Variants in MGAT4C observed in about 807,000 individuals in gnomAD.
MGAT4C encodes the protein alpha-1,3-mannosyl-glycoprotein 4-beta-N-acetylglucosaminyltransferase C.
A neutral mutation model predicts 40.1 loss-of-function variants in MGAT4C; 19 were observed. The ratio of observed to expected loss-of-function variants is 0.47; its 90% CI spans 0.33 to 0.70. MGAT4C has a LOEUF of 0.70. MGAT4C is among the 30% of genes least tolerant of loss of function. The probability of loss-of-function intolerance (pLI) is 0.02; values close to 1 mark genes in which losing one functional copy is unlikely to be tolerated. For synonymous variants in MGAT4C, 181 were observed against 187.1 expected, an observed-to-expected ratio of 0.97 and a Z score of 0.27; for missense variants, 491 against 563.2, an observed-to-expected ratio of 0.87 and a Z score of 1.30.
At chr12:86,825,175 C>A (rs1002763369) in intron 1 of MGAT4C, among the ~76,000 whole-genome samples, 11 of 150,724 alleles carry the variant, frequency 7.3e-5, no homozygotes, top group Non-Finnish European at 1.6e-4. Context: ...ATATAAACAC[C>A]AAGGTTTGAG....
chr12:86,340,782 G>C (rs1348521574), intron 3 of MGAT4C, among the ~76,000 whole-genome samples: 1 of 152,034 alleles, frequency 6.6e-6, no homozygotes, highest in African/African-American at 2.4e-5. Flanking sequence ...AGAATCCTGG[G>C]TTCCTCATAG....
At chr12:86,419,831 A>G (rs1020782687) in intron 3 of MGAT4C, among the ~76,000 whole-genome samples, 8 of 152,150 alleles carry the variant, frequency 5.3e-5, no homozygotes, top group Non-Finnish European at 8.8e-5. Flanking sequence ...TATTGACCCT[A>G]TGTATTAAGA....
intron 2 of MGAT4C, among the ~76,000 whole-genome samples, chr12:86,546,555 G>A (rs1001905081): frequency 1.3e-5 from 2 of 151,902 alleles, no homozygotes; most frequent in Non-Finnish European, 2.9e-5. Context: ...TAGGCATCAA[G>A]TAAAACTAAA....
chr12:86,584,765 T>C (rs1232092328), intron 2 of MGAT4C, among the ~76,000 whole-genome samples: 1 of 151,344 alleles, frequency 6.6e-6, no homozygotes, highest in African/African-American at 2.4e-5. Context: ...ATTGCAACAC[T>C]GAATATCATC....
At chr12:86,035,320 C>G (rs1278769399) in intron 2 of MGAT4C, among the ~76,000 whole-genome samples, 5 of 150,306 alleles carry the variant, frequency 3.3e-5, no homozygotes, top group African/African-American at 1.2e-4. Flanking sequence ...TTGCATTTCT[C>G]TAATGACCAC....
At chr12:86,570,307 A>ATATT (rs1333967426) in intron 2 of MGAT4C, among the ~76,000 whole-genome samples, 1 of 46,484 alleles carries the variant, frequency 2.2e-5, no homozygotes, top group African/African-American at 5.4e-5. Context: ...CAAATATATA[A>ATATT]TATTTGTCAA....
chr12:86,405,074 G>T (rs539804837), intron 3 of MGAT4C, among the ~76,000 whole-genome samples: 5 of 152,112 alleles, frequency 3.3e-5, no homozygotes, highest in Admixed American at 2.0e-4. Flanking sequence ...AACTATGAAA[G>T]ATTCCCCAGA....
At chr12:86,192,051 C>T (rs571758368) in intron 1 of MGAT4C, among the ~76,000 whole-genome samples, 6 of 127,998 alleles carry the variant, frequency 4.7e-5, no homozygotes, top group African/African-American at 1.5e-4. Context: ...CAAGACAACA[C>T]TTGGACACAG....
At chr12:86,539,379 A>G (rs1335876490) in intron 2 of MGAT4C, among the ~76,000 whole-genome samples, 1 of 152,344 alleles carries the variant, frequency 6.6e-6, no homozygotes, top group East Asian at 1.9e-4. Context: ...GCTACATAGT[A>G]TTCCATGGTG....
At chr12:86,825,851 T>C (rs889813981) in intron 1 of MGAT4C, among the ~76,000 whole-genome samples, 1 of 151,376 alleles carries the variant, frequency 6.6e-6, no homozygotes, top group Admixed American at 6.6e-5. Flanking sequence ...AAAAAATATC[T>C]CCTCTGACTA....
chr12:86,176,279 CA>C (rs1367290139), intron 1 of MGAT4C, among the ~76,000 whole-genome samples: 1 of 152,150 alleles, frequency 6.6e-6, no homozygotes, highest in Non-Finnish European at 1.5e-5. Flanking sequence ...CTTTCTGGAA[CA>C]TCCTTTATTT....
intron 1 of MGAT4C, chr12:86,068,600 T>TATGA (rs11427130): frequency 1.3e-5 from 2 of 148,776 alleles, no homozygotes; most frequent in African/African-American, 2.5e-5. Context: ...CATATTTATA[T>TATGA]TATATATATA....
chr12:86,228,647 A>C (rs1214457176), intron 1 of MGAT4C, among the ~76,000 whole-genome samples: 1 of 151,032 alleles, frequency 6.6e-6, no homozygotes, highest in Non-Finnish European at 1.5e-5. Flanking sequence ...AAGAGAAATA[A>C]GGATTTGCAT....
At position 85,956,519 on chromosome 12, in the gene MGAT4C, C is replaced by T. The variant is rs1165159321; in HGVS notation, c.*22770G>A. On this transcript the variant is annotated 3_prime_UTR_variant, in exon 5 of 5. Transcript: ENST00000611864. ...AACTTACTAAAATATGGTTTTGGGA[C>T]ACCTGTTGGGAACATTTACAGATCA... 1.3e-5 allele frequency: 2 copies of T among 152,262 alleles called. No homozygotes were observed. The highest frequency in any genetic ancestry group is 2.4e-5 in the African/African-American group (1 of 41,548). 9.4% of individuals were successfully genotyped at this position (152,262 alleles called of 1,614,324 possible). A position where few individuals can be genotyped will look rare whatever the true frequency, so the allele number is the denominator to read the frequency against.
intron 2 of MGAT4C, among the ~76,000 whole-genome samples, chr12:86,472,534 T>A (rs1957770595): frequency 6.6e-6 from 1 of 152,128 alleles, no homozygotes; most frequent in South Asian, 2.1e-4. Context: ...AGAATGAAGT[T>A]CTAATTTATT....
At chr12:86,197,653 T>TA (rs1196560639) in intron 1 of MGAT4C, among the ~76,000 whole-genome samples, 11 of 152,322 alleles carry the variant, frequency 7.2e-5, no homozygotes, top group Non-Finnish European at 1.3e-4. Flanking sequence ...TAAGCCACCT[T>TA]ACTCTATGAA....
At chr12:85,984,744 CA>C in intron 3 of MGAT4C, among the ~76,000 whole-genome samples, 1 of 150,906 alleles carries the variant, frequency 6.6e-6, no homozygotes. Context: ...TTTTTTTTCT[CA>C]AAATGTGCAC....
intron 1 of MGAT4C, among the ~76,000 whole-genome samples, chr12:86,745,491 T>A (rs1426970652): frequency 6.6e-6 from 1 of 151,638 alleles, no homozygotes; most frequent in African/African-American, 2.4e-5. Flanking sequence ...CTTTACAATA[T>A]AGCATGCATG....
At chr12:86,189,692 C>A (rs1889158771) in intron 1 of MGAT4C, among the ~76,000 whole-genome samples, 4 of 151,824 alleles carry the variant, frequency 2.6e-5, no homozygotes, top group Admixed American at 2.6e-4. Context: ...ACTTATAAAC[C>A]CCACATTTTA....
Sources: gnomAD v4.1 joint callset for allele counts (sites outside exome capture counted in the v4.1 genomes callset) on GRCh38, gnomAD v4.1.1 for gene constraint, MANE v1.5 for transcripts, NCBI Gene and HGNC (gene_info 2026-07-23, HGNC 2026-07-21) for gene names.